ARHGAP15: variants seen among roughly 807,000 people sequenced by gnomAD.
ARHGAP15 encodes rho GTPase-activating protein 15.
In ARHGAP15, 51 loss-of-function variants were observed where a neutral mutation model predicts 63.7. The observed-to-expected ratio is 0.80, with a 90% CI of 0.64 to 1.01. The LOEUF (loss-of-function observed/expected upper bound fraction) is 1.01, where lower values mean the gene tolerates loss of function less well. Ranked by LOEUF, ARHGAP15 falls within the 50% of genes least tolerant of loss-of-function variation. The pLI is 0.00. For synonymous variants in ARHGAP15, 191 were observed against 193.8 expected (o/e 0.99, Z 0.12); for missense variants, 560 against 564.6 (o/e 0.99, Z 0.08).
chr2:143,358,297 C>T (rs1456641643), intron 6 of ARHGAP15, among the ~76,000 whole-genome samples: 3 of 152,278 alleles, frequency 2.0e-5, no homozygotes, highest in Admixed American at 1.3e-4. Context: ...ACTGCCAGAA[C>T]TGAGAAAACA....
Position 143,202,022 on chromosome 2 carries a change from T to A in ARHGAP15, c.166-112T>A. On this transcript the variant is annotated intron_variant, in intron 2 of 13. Coordinates refer to ENST00000295095, the MANE Select transcript of ARHGAP15 (RefSeq NM_018460.4). ...CAAAACATTTACTTCTCATTTTATATCTACTTAATTCACATGCTTGAATAA... is the reference window on the plus strand; with the variant it reads ...CAAAACATTTACTTCTCATTTTATAACTACTTAATTCACATGCTTGAATAA... 3 of 806,642 alleles carry A rather than the reference T, an allele frequency of 3.7e-6. No individual in the cohort carries two copies. The Admixed American group carries it at 6.5e-5, about 17-fold the overall frequency. The allele number at this position is 806,642 out of a possible 1,614,324, so 50.0% of individuals were successfully genotyped here. A position where few individuals can be genotyped will look rare whatever the true frequency, so the allele number is the denominator to read the frequency against.
chr2:143,360,347 T>G (rs1043463416), intron 6 of ARHGAP15, among the ~76,000 whole-genome samples: 2 of 152,088 alleles, frequency 1.3e-5, no homozygotes, highest in African/African-American at 4.8e-5. Context: ...ATTGTGCCAC[T>G]GCAATCGCGC....
intron 13 of ARHGAP15, among the ~76,000 whole-genome samples, chr2:143,759,969 A>G (rs1178814033): frequency 6.6e-6 from 1 of 152,050 alleles, no homozygotes; most frequent in African/African-American, 2.4e-5. Flanking sequence ...TCTTTTTCTT[A>G]GCTTTTCTTG....
At chr2:143,761,790 A>G (rs775365184) in intron 13 of ARHGAP15, among the ~76,000 whole-genome samples, 3 of 152,118 alleles carry the variant, frequency 2.0e-5, no homozygotes, top group Non-Finnish European at 2.9e-5. Flanking sequence ...AAATAAACTT[A>G]AGTTGATGGA....
intron 6 of ARHGAP15, among the ~76,000 whole-genome samples, chr2:143,264,242 C>T (rs1680883607): frequency 6.6e-6 from 1 of 151,892 alleles, no homozygotes; most frequent in African/African-American, 2.4e-5. Flanking sequence ...AAGCTGAAGC[C>T]ATAGAGTTGT....
At chr2:143,707,556 A>T (rs1271349238) in intron 13 of ARHGAP15, among the ~76,000 whole-genome samples, 1 of 152,206 alleles carries the variant, frequency 6.6e-6, no homozygotes. Flanking sequence ...ATGGACAGCT[A>T]ACATATCGGA....
At chr2:143,703,977 C>T (rs1039094001) in intron 13 of ARHGAP15, 4 of 143,288 alleles carry the variant, frequency 2.8e-5, no homozygotes, top group African/African-American at 1.0e-4. Context: ...AGGTGCTATC[C>T]ATGTAAATAG....
intron 10 of ARHGAP15, among the ~76,000 whole-genome samples, chr2:143,528,600 C>T (rs557681314): frequency 1.1e-3 from 166 of 152,202 alleles, no homozygotes; most frequent in African/African-American, 3.8e-3. Context: ...AAGTTAAACT[C>T]TGCTGTTGCT....
At position 143,754,416 on chromosome 2, in the gene ARHGAP15, G is replaced by T. The variant is rs181709554; in HGVS notation, c.1245-13573G>T. Among the ~76,000 whole-genome samples the T allele has an allele frequency of 7.2e-5, 11 of 152,088 alleles. No individual in the cohort carries two copies. In the East Asian group the frequency reaches 2.1e-3, roughly 29 times the overall value. On this transcript the variant is annotated intron_variant, in intron 13 of 13. Transcript: ENST00000295095. The stretch of plus-strand genomic sequence containing the variant: ...GCTGGTCTTCATTCCCTTTTCATTT[G>T]CAGTCATCATCCCCAACTTCCAATC...
chr2:143,667,579 AATT>A (rs1682281405), intron 12 of ARHGAP15, among the ~76,000 whole-genome samples: 2 of 87,244 alleles, frequency 2.3e-5, no homozygotes, highest in African/African-American at 3.9e-5. Flanking sequence ...ATTTAAAAAA[AATT>A]AAAAAAAAAA....
chr2:143,515,310 T>C (rs905900350), intron 9 of ARHGAP15, among the ~76,000 whole-genome samples: 1 of 152,122 alleles, frequency 6.6e-6, no homozygotes, highest in Non-Finnish European at 1.5e-5. Context: ...TCATATGCTT[T>C]TGGCTGCAGA....
chr2:143,342,410 C>T (rs1685097032), intron 6 of ARHGAP15, among the ~76,000 whole-genome samples: 1 of 152,064 alleles, frequency 6.6e-6, no homozygotes, highest in African/African-American at 2.4e-5. Context: ...ACTTTTTGTG[C>T]TATTAATAAA....
At chr2:143,138,077 T>C (rs1689216478) in intron 1 of ARHGAP15, among the ~76,000 whole-genome samples, 1 of 152,150 alleles carries the variant, frequency 6.6e-6, no homozygotes, top group Non-Finnish European at 1.5e-5. Flanking sequence ...TATTAACTTA[T>C]TCTCAAGATG....
chr2:143,448,443 T>G (rs1348131433), intron 8 of ARHGAP15, among the ~76,000 whole-genome samples: 2 of 152,000 alleles, frequency 1.3e-5, no homozygotes, highest in Non-Finnish European at 2.9e-5. Context: ...GGTAAGAAGA[T>G]GAATTCAGAG....
At chr2:143,435,469 A>G (rs2105089090) in intron 6 of ARHGAP15, 132 bp from the exon 7 acceptor site, 3 of 1,294,976 alleles carry the variant, frequency 2.3e-6, no homozygotes, top group Non-Finnish European at 3.0e-6. Flanking sequence ...CAGAAAGACA[A>G]TTACTGGAAT....
intron 6 of ARHGAP15, among the ~76,000 whole-genome samples, chr2:143,315,759 A>G (rs1030442246): frequency 2.0e-5 from 3 of 152,142 alleles, no homozygotes; most frequent in Non-Finnish European, 4.4e-5. Flanking sequence ...TTCCTGAATC[A>G]CCTTAATCCT....
intron 1 of ARHGAP15, among the ~76,000 whole-genome samples, chr2:143,146,776 C>T (rs1574008323): frequency 1.3e-5 from 2 of 152,010 alleles, no homozygotes; most frequent in South Asian, 4.1e-4. Flanking sequence ...ACATTAGTGT[C>T]CCATCATTAG....
intron 13 of ARHGAP15, among the ~76,000 whole-genome samples, chr2:143,713,473 A>G (rs1005545160): frequency 6.6e-6 from 1 of 151,900 alleles, no homozygotes; most frequent in Non-Finnish European, 1.5e-5. Flanking sequence ...TCCATCCCTG[A>G]CCCTCCAAAT....
chr2:143,681,368 C>T (rs1488891945), intron 12 of ARHGAP15, among the ~76,000 whole-genome samples: 1 of 152,176 alleles, frequency 6.6e-6, no homozygotes, highest in African/African-American at 2.4e-5. Context: ...TTTCCAGTAG[C>T]TGCCCTTGCC....
Sources: gnomAD v4.1 joint callset for allele counts (sites outside exome capture counted in the v4.1 genomes callset) on GRCh38, gnomAD v4.1.1 for gene constraint, MANE v1.5 for transcripts, NCBI Gene and HGNC (gene_info 2026-07-23, HGNC 2026-07-21) for gene names.